The following FMO2 variants were observed in gnomAD, a reference collection of about 807,000 sequenced individuals.
FMO2 encodes flavin-containing monooxygenase 2.
Under a neutral mutation model 41.6 loss-of-function variants are expected in FMO2, and 33 were observed. That is an observed-to-expected ratio of 0.79 (90% CI 0.60 to 1.06). The LOEUF (loss-of-function observed/expected upper bound fraction) is 1.06. FMO2 is among the 50% of genes least tolerant of loss of function. The pLI is 0.00. For missense variants in FMO2, 619 were observed against 632.9 expected, an observed-to-expected ratio of 0.98 and a Z score of 0.23; for synonymous variants, 214 against 219.6, an observed-to-expected ratio of 0.97 and a Z score of 0.23.
At position 171,212,282 on chromosome 1, in the gene FMO2, T is replaced by C. The variant is rs1659012608; in HGVS notation, c.*3137T>C. ...TCCCTCTTTTCCTCACACACTCTTT[T>C]TCCCTTCTGCCTTCACCTTTGCCGT... On this transcript the variant is annotated 3_prime_UTR_variant, in exon 9 of 9. Transcript: ENST00000209929. Among the ~76,000 whole-genome samples the C allele has an allele frequency of 6.6e-6, 1 of 152,188 alleles. No homozygotes were observed. Among genetic ancestry groups the C allele is most frequent in the Admixed American group, 6.5e-5 (1 of 15,274 alleles).
chr1:171,197,435 A>G (rs1658350000), intron 4 of FMO2, among the ~76,000 whole-genome samples: 1 of 152,214 alleles, frequency 6.6e-6, no homozygotes, highest in South Asian at 2.1e-4. Context: ...GTAGGGTTAG[A>G]GCAATGAAAG....
At chr1:171,185,522 A>G (rs1037136122) in intron 1 of FMO2, 163 bp downstream of exon 1, 2 of 539,298 alleles carry the variant, frequency 3.7e-6, no homozygotes, top group African/African-American at 3.8e-5. Context: ...AACAAAGTCC[A>G]TAAGAAACTC....
chr1:171,205,460 T>A lies in FMO2; in HGVS notation c.1009T>A (p.Phe337Ile), dbSNP rs761709760. The stretch of plus-strand genomic sequence containing the variant: ...AACAGGATATAGTTTCTCTTTTCCC[T>A]TCCTTGAAGATTCACTCGTTAAAGT... ...FATGYSFSFP[F>I]LEDSLVKVEN... Residue 337 changes from phenylalanine to isoleucine, a missense_variant, in exon 7 of 9, where the codon TTC becomes ATC. By Grantham distance (21) the Phe-to-Ile change is conservative. Coordinates refer to ENST00000209929, the MANE Select transcript of FMO2 (RefSeq NM_001460.5). The A allele has an allele frequency of 5.0e-6, 8 of 1,613,886 alleles. No homozygotes were observed. Among genetic ancestry groups the A allele is most frequent in the Non-Finnish European group, 6.8e-6 (8 of 1,179,884 alleles).
chr1:171,194,371 A>C (rs1260584245), intron 3 of FMO2, among the ~76,000 whole-genome samples: 2 of 152,240 alleles, frequency 1.3e-5, no homozygotes, highest in Non-Finnish European at 2.9e-5. Context: ...CCTCAAAATC[A>C]ACAAAAAGCA....
intron 5 of FMO2, among the ~76,000 whole-genome samples, chr1:171,202,388 T>C (rs1283211458): frequency 6.6e-6 from 1 of 152,170 alleles, no homozygotes; most frequent in Admixed American, 6.5e-5. Flanking sequence ...AATATAGGAA[T>C]GCTTGGTATA....
intron 8 of FMO2, 82 bp from the exon 9 acceptor site, chr1:171,208,712 T>A: frequency 1.5e-6 from 2 of 1,294,120 alleles, no homozygotes; most frequent in Non-Finnish European, 2.2e-6. Flanking sequence ...ATTCCTTCAT[T>A]CCTTTAGCAG....
intron 4 of FMO2, 38 bp from the exon 5 acceptor site, chr1:171,199,308 T>C (rs780613212): frequency 2.9e-5 from 44 of 1,520,242 alleles, no homozygotes; most frequent in Non-Finnish European, 3.5e-5. Flanking sequence ...ACATAGTTGC[T>C]CTGGAGCTCA....
chr1:171,207,650 A>C, intron 7 of FMO2, 68 bp from the exon 8 acceptor site: 2 of 1,087,626 alleles, frequency 1.8e-6, no homozygotes, highest in Non-Finnish European at 2.8e-6. Flanking sequence ...AATTTTAAGA[A>C]TCAACAACTA....
At chr1:171,192,262 A>G (rs979110419) in intron 2 of FMO2, among the ~76,000 whole-genome samples, 3 of 152,154 alleles carry the variant, frequency 2.0e-5, no homozygotes, top group Non-Finnish European at 4.4e-5. Context: ...TTGTTTATCC[A>G]GAGTTCAGAT....
rs1658640085 is a variant in FMO2 at position 171,203,888 on chromosome 1, C to A, written c.651C>A (p.Gly217=). The A allele has an allele frequency of 1.9e-6, 3 of 1,613,480 alleles. No individual in the cohort carries two copies. Among genetic ancestry groups the A allele is most frequent in the Non-Finnish European group, 1.7e-6 (2 of 1,179,566 alleles). ...AGGTTTTTATCAGCACCAGGCATGGCACCTGGGTCATGAGCCGTATCTCTG... is the reference window on the plus strand; with the variant it reads ...AGGTTTTTATCAGCACCAGGCATGGAACCTGGGTCATGAGCCGTATCTCTG... ...AAQVFISTRH[G]TWVMSRISED... is the part of the protein sequence containing the mutation. The change falls in exon 6 of 9, where the codon GGC becomes GGA. Residue 217 remains glycine, a synonymous_variant. Coordinates refer to ENST00000209929, the MANE Select transcript of FMO2 (RefSeq NM_001460.5).
chr1:171,196,937 A>G (rs1024170696), intron 4 of FMO2, 126 bp downstream of exon 4: 8 of 743,894 alleles, frequency 1.1e-5, no homozygotes, highest in Admixed American at 1.1e-4. Context: ...ATTGAGACAG[A>G]GCTAGAAAGA....
chr1:171,197,778 A>C (rs923268048), intron 4 of FMO2, among the ~76,000 whole-genome samples: 5 of 152,174 alleles, frequency 3.3e-5, no homozygotes, highest in South Asian at 2.1e-4. Context: ...CTTTATAAGA[A>C]GAGGAAGAGA....
In FMO2 at chr1:171,212,200, A is replaced by C. The variant is rs1290345376; in HGVS notation, c.*3055A>C. Among the ~76,000 whole-genome samples the C allele has an allele frequency of 6.6e-6, 1 of 152,188 alleles. No homozygotes were observed. The highest frequency in any genetic ancestry group is 2.4e-5 in the African/African-American group (1 of 41,440). On this transcript the variant is annotated 3_prime_UTR_variant, in exon 9 of 9. Transcript: ENST00000209929. ...GTGATTAGGTGAAGTCTCTGCCCTC[A>C]TGAAAAGATTAATCCCATTATCTCA...
chr1:171,193,841 A>G (rs1024368203), intron 3 of FMO2, among the ~76,000 whole-genome samples: 2 of 150,784 alleles, frequency 1.3e-5, no homozygotes, highest in Admixed American at 1.3e-4. Context: ...GTGCAGTGGC[A>G]TGATCTCAGC....
intron 5 of FMO2, among the ~76,000 whole-genome samples, chr1:171,202,597 A>T (rs1390745740): frequency 1.3e-5 from 2 of 152,214 alleles, no homozygotes; most frequent in Non-Finnish European, 2.9e-5. Flanking sequence ...TAATCTACAC[A>T]AGAATGCCAT....
chr1:171,190,279 G>C (rs1484969805), intron 2 of FMO2, among the ~76,000 whole-genome samples: 1 of 152,022 alleles, frequency 6.6e-6, no homozygotes, highest in East Asian at 1.9e-4. Context: ...TTCTAAATAA[G>C]TGCTATCTGA....
rs889395579 is a variant in FMO2, at chr1:171,196,818, C to T, written c.484+7C>T. On this transcript the variant is annotated splice_region_variant and intron_variant, in intron 4 of 8. Transcript: ENST00000209929. ...CCACTGAAGTCATTTCCAGGTGAGA[C>T]CCGCTGGGATTCCCAGCTTTTTGGA... 4 of 1,610,034 alleles carry T rather than the reference C, an allele frequency of 2.5e-6. No homozygotes were observed. In the African/African-American group the frequency reaches 4.0e-5, roughly 16 times the overall value.
In FMO2 at chr1:171,199,452, A is replaced by C. The variant is rs756392403; in HGVS notation, c.591A>C (p.Ser197=). 1.2e-6 allele frequency: 2 copies of C among 1,612,844 alleles called. No homozygotes were observed. The highest frequency in any genetic ancestry group is 3.3e-5 in the Admixed American group (2 of 59,852). The change falls in exon 5 of 9, where the codon TCA becomes TCC. Residue 197 remains serine, a synonymous_variant. Coordinates refer to ENST00000209929, the MANE Select transcript of FMO2 (RefSeq NM_001460.5). ...TGATTGGAATGGGAAACTCAGGCTC[A>C]GATATTGCTGTTGAGCTGAGTAAGA... is the stretch of plus-strand genomic sequence containing the variant. ...ILVIGMGNSG[S]DIAVELSKNA...
At chr1:171,186,506 A>G (rs1163656524) in intron 2 of FMO2, 3 of 152,292 alleles carry the variant, frequency 2.0e-5, no homozygotes, top group Non-Finnish European at 4.4e-5. Context: ...ATTTACAATC[A>G]TGGCAGTGGG....
Sources: gnomAD v4.1 joint callset for allele counts (sites outside exome capture counted in the v4.1 genomes callset) on GRCh38, gnomAD v4.1.1 for gene constraint, MANE v1.5 for transcripts, NCBI Gene and HGNC (gene_info 2026-07-23, HGNC 2026-07-21) for gene names.